The following CA9 variants were observed in gnomAD, a reference collection of about 807,000 sequenced individuals.
The protein encoded by CA9 is CA-IX.
A neutral mutation model predicts 51.8 loss-of-function variants in CA9; 43 were observed. The observed-to-expected ratio is 0.83, with a 90% CI of 0.65 to 1.07. The LOEUF (loss-of-function observed/expected upper bound fraction) is 1.07. CA9 is among the 50% of genes least tolerant of loss of function. CA9 has a pLI of 0.00. For missense variants in CA9, 574 were observed against 581.4 expected (o/e 0.99, Z 0.13); for synonymous variants, 253 against 244.2 (o/e 1.04, Z -0.34).
chr9:35,678,502 T>C (rs1376389039), intron 6 of CA9, among the ~76,000 whole-genome samples: 1 of 152,094 alleles, frequency 6.6e-6, no homozygotes, highest in Non-Finnish European at 1.5e-5. Context: ...TATTTTAACT[T>C]TGTAAATACT....
Position 35,676,059 on chromosome 9 carries a change from C to T in CA9, c.605-5C>T. 6.2e-7 allele frequency: 1 copy of T among 1,612,948 alleles called. No individual in the cohort carries two copies. Among genetic ancestry groups the T allele is most frequent in the Non-Finnish European group, 8.5e-7 (1 of 1,179,730 alleles). ...GGGCCGGCTCACTTGCCTCTCCCTA[C>T]GCAGTGCAACTGACCCTGCCTCCTG... On this transcript the variant is annotated splice_region_variant and splice_polypyrimidine_tract_variant and intron_variant, in intron 3 of 10. Coordinates refer to ENST00000378357, the MANE Select transcript of CA9 (RefSeq NM_001216.3).
rs1246381975 is a variant in CA9, at chr9:35,680,819, TGAG to T, written c.1305_1307del (p.Met435_Arg436delinsIle). ...ACCAGCGTCGCGTTCCTTGTGCAGA[TGAG>T]AAGGCAGCACAGGTATTACACTGAC... On this transcript the variant is annotated inframe_deletion, in exon 10 of 11. Coordinates refer to ENST00000378357, the MANE Select transcript of CA9 (RefSeq NM_001216.3). 6.2e-7 allele frequency: 1 copy of T among 1,614,102 alleles called. No individual in the cohort carries two copies. Among genetic ancestry groups the T allele is most frequent in the Admixed American group, 1.7e-5 (1 of 60,006 alleles).
chr9:35,680,364 T>TCC (rs68054422), intron 9 of CA9, among the ~76,000 whole-genome samples: 84 of 151,272 alleles, frequency 5.6e-4, no homozygotes, highest in African/African-American at 1.8e-3. Flanking sequence ...CGCAAAACAA[T>TCC]CCCCCCCCTT....
Position 35,680,372 on chromosome 9 carries a change from C to A in CA9, c.1237+233C>A, listed in dbSNP as rs1033389898. On this transcript the variant is annotated intron_variant, in intron 9 of 10. Coordinates refer to ENST00000378357, the MANE Select transcript of CA9 (RefSeq NM_001216.3). ...TCCCTCTCGCAAAACAATCCCCCCC[C>A]TTTTTTTAAAGATAGGGTCTCACTC... is the stretch of plus-strand genomic sequence containing the variant. Among the ~76,000 whole-genome samples the A allele has an allele frequency of 5.9e-5, 9 of 151,346 alleles. No individual in the cohort carries two copies. The East Asian group carries it at 1.4e-3, about 23-fold the overall frequency.
intron 1 of CA9, 121 bp from the exon 2 acceptor site, chr9:35,675,417 G>C: frequency 4.3e-6 from 5 of 1,150,568 alleles, no homozygotes; most frequent in Non-Finnish European, 6.5e-6. Flanking sequence ...CACCTGGCCC[G>C]CTTAAGGCAT....
chr9:35,677,693 G>T, intron 5 of CA9, 97 bp from the exon 6 acceptor site: 1 of 889,720 alleles, frequency 1.1e-6, no homozygotes, highest in Non-Finnish European at 1.9e-6. Context: ...CAGAGCTGAG[G>T]AATGGGAGAG....
Position 35,676,280 on chromosome 9 carries a change from C to A in CA9, c.748-17C>A, listed in dbSNP as rs780841220. 1.9e-6 allele frequency: 3 copies of A among 1,614,004 alleles called. No individual in the cohort carries two copies. The highest frequency in any genetic ancestry group is 2.2e-5 in the South Asian group (2 of 91,088). ...GGCCAGAGACGTGGCCCTCTCCTAC[C>A]CTCGTGTCCTTTTCAGATCCACGTG... On this transcript the variant is annotated splice_polypyrimidine_tract_variant and intron_variant, in intron 4 of 10. Transcript: ENST00000378357.
Position 35,675,780 on chromosome 9 carries a change from G to A in CA9, c.453G>A (p.Arg151=), listed in dbSNP as rs1310902547. The A allele has an allele frequency of 6.2e-7, 1 of 1,602,654 alleles. No individual in the cohort carries two copies. The highest frequency in any genetic ancestry group is 8.5e-7 in the Non-Finnish European group (1 of 1,179,042). Reference sequence around the variant, plus strand: ...CCCCAGGCGACCCGCCCTGGCCCCGGGTGTCCCCAGCCTGCGCGGGCCGCT... The same window carrying A: ...CCCCAGGCGACCCGCCCTGGCCCCGAGTGTCCCCAGCCTGCGCGGGCCGCT... ...WRYGGDPPWP[R]VSPACAGRFQ... The change falls in exon 3 of 11, where the codon CGG becomes CGA. Residue 151 remains arginine, a synonymous_variant. Coordinates refer to ENST00000378357, the MANE Select transcript of CA9 (RefSeq NM_001216.3).
intron 6 of CA9, among the ~76,000 whole-genome samples, chr9:35,678,635 T>G (rs1824469920): frequency 6.6e-6 from 1 of 151,890 alleles, no homozygotes; most frequent in Non-Finnish European, 1.5e-5. Flanking sequence ...CTTGTGTCTG[T>G]TTTGTATAGT....
chr9:35,675,312 T>G (rs1050210884), intron 1 of CA9: 2 of 598,266 alleles, frequency 3.3e-6, no homozygotes, highest in Non-Finnish European at 6.0e-6. Flanking sequence ...CCACTCACTT[T>G]TACAGACCCT....
intron 6 of CA9, 53 bp from the exon 7 acceptor site, chr9:35,679,132 A>T: frequency 6.2e-7 from 1 of 1,601,552 alleles, no homozygotes; most frequent in Non-Finnish European, 8.5e-7. Context: ...TATACCCTGA[A>T]GCTTTAAGGG....
chr9:35,679,127 C>T, intron 6 of CA9, 58 bp from the exon 7 acceptor site: 1 of 1,592,388 alleles, frequency 6.3e-7, no homozygotes, highest in South Asian at 1.1e-5. Flanking sequence ...ATCCCTATAC[C>T]CTGAAGCTTT....
chr9:35,675,833 A>G lies in CA9; in HGVS notation c.506A>G (p.Gln169Arg). 1 of 1,603,868 alleles carries G rather than the reference A, an allele frequency of 6.2e-7. No individual in the cohort carries two copies. The highest frequency in any genetic ancestry group is 8.5e-7 in the Non-Finnish European group (1 of 1,179,340). The change falls in exon 3 of 11, where the codon CAG becomes CGG. Residue 169 changes from glutamine (Q) to arginine (R), a missense_variant. Physicochemically the swap from Gln to Arg is conservative, Grantham distance 43. Coordinates refer to ENST00000378357, the MANE Select transcript of CA9 (RefSeq NM_001216.3). ...RFQSPVDIRP[Q>R]LAAFCPALRP... ...CAGTCCCCGGTGGATATCCGCCCCC[A>G]GCTCGCCGCCTTCTGCCCGGCCCTG...
At position 35,674,506 on chromosome 9, in the gene CA9, C is replaced by A. The variant is rs867137318; in HGVS notation, c.403+144C>A. On this transcript the variant is annotated intron_variant, in intron 1 of 10. Transcript: ENST00000378357. ...CCTTCCAGAGGTCCCATACCAATAT[C>A]CCCATCCCCACTCTCGGAGGTAGAA... 3.4e-5 allele frequency: 23 copies of A among 683,574 alleles called. No individual in the cohort carries two copies. The Middle Eastern group carries it at 2.1e-3, about 62-fold the overall frequency. 42.3% of individuals were successfully genotyped at this position (683,574 alleles called of 1,614,324 possible).
At chr9:35,678,155 G>A (rs1824459737) in intron 6 of CA9, among the ~76,000 whole-genome samples, 1 of 151,938 alleles carries the variant, frequency 6.6e-6, no homozygotes, top group Non-Finnish European at 1.5e-5. Context: ...GACCATCCTG[G>A]CCAACATGGT....
In CA9 at chr9:35,680,742, C is replaced by T. The variant is rs1824531091; in HGVS notation, c.1238-11C>T. 2.4e-5 allele frequency: 39 copies of T among 1,613,378 alleles called. No homozygotes were observed. Among genetic ancestry groups the T allele is most frequent in the Non-Finnish European group, 3.1e-5 (37 of 1,179,348 alleles). On this transcript the variant is annotated splice_polypyrimidine_tract_variant and intron_variant, in intron 9 of 10. Coordinates refer to ENST00000378357, the MANE Select transcript of CA9 (RefSeq NM_001216.3). ...CCTTCCCAAAGCAGCCCTCTCTGCT[C>T]TCCATCGCAGGTGACATCCTAGCCC...
At chr9:35,674,654 T>C in intron 1 of CA9, 1 of 291,754 alleles carries the variant, frequency 3.4e-6, no homozygotes, top group Non-Finnish European at 6.3e-6. Context: ...AGAGAAAAAA[T>C]GTGCAGACAG....
intron 6 of CA9, among the ~76,000 whole-genome samples, chr9:35,678,700 C>CTTTTT (rs71800585): frequency 9.1e-5 from 12 of 131,946 alleles, no homozygotes; most frequent in East Asian, 2.1e-4. Context: ...CTTTTCTTTT[C>CTTTTT]TTTTTTTTTT....
At chr9:35,679,594 C>T (rs1890595) in intron 7 of CA9, among the ~76,000 whole-genome samples, 40,010 of 151,986 alleles carry the variant, frequency 0.26, 6,083 homozygotes, top group Middle Eastern at 0.35. Flanking sequence ...TGGTGGTATG[C>T]GCCTAGTCCC....
Sources: gnomAD v4.1 joint callset for allele counts (sites outside exome capture counted in the v4.1 genomes callset) on GRCh38, gnomAD v4.1.1 for gene constraint, MANE v1.5 for transcripts, NCBI Gene and HGNC (gene_info 2026-07-23, HGNC 2026-07-21) for gene names.